CTNNA3: variants seen among roughly 807,000 people sequenced by gnomAD.
CTNNA3 encodes the protein catenin alpha 3.
A neutral mutation model predicts 95.7 loss-of-function variants in CTNNA3; 76 were observed. The ratio of observed to expected loss-of-function variants is 0.79; its 90% CI spans 0.66 to 0.96. CTNNA3 has a LOEUF of 0.96. Ranked by LOEUF, CTNNA3 falls within the 40% of genes least tolerant of loss-of-function variation. The pLI, the probability that CTNNA3 is intolerant of heterozygous loss-of-function variation, is 0.00. For missense variants in CTNNA3, 1,191 were observed against 1,089.8 expected, an observed-to-expected ratio of 1.09 and a Z score of -1.31; for synonymous variants, 431 against 374.4, an observed-to-expected ratio of 1.15 and a Z score of -1.74.
At chr10:66,714,739 T>C (rs1023503764) in intron 9 of CTNNA3, among the ~76,000 whole-genome samples, 7 of 152,158 alleles carry the variant, frequency 4.6e-5, no homozygotes, top group Non-Finnish European at 7.4e-5. Flanking sequence ...CCCAGCCATC[T>C]GTGTTTCAAC....
intron 1 of CTNNA3, among the ~76,000 whole-genome samples, chr10:67,658,443 A>AATT (rs1398292759): frequency 6.6e-6 from 1 of 152,258 alleles, no homozygotes; most frequent in East Asian, 1.9e-4. Flanking sequence ...TAGACCTCAT[A>AATT]ATTATTATTC....
intron 7 of CTNNA3, among the ~76,000 whole-genome samples, chr10:66,861,944 G>A (rs1324289168): frequency 1.3e-5 from 2 of 152,188 alleles, no homozygotes; most frequent in Non-Finnish European, 2.9e-5. Context: ...GCCAGCCACT[G>A]TGGGTCACAC....
chr10:65,983,111 T>C (rs953230100), intron 16 of CTNNA3, among the ~76,000 whole-genome samples: 4 of 151,752 alleles, frequency 2.6e-5, no homozygotes, highest in Admixed American at 2.0e-4. Flanking sequence ...CATCTTTTCT[T>C]GAATTAGAAT....
intron 13 of CTNNA3, among the ~76,000 whole-genome samples, chr10:66,185,995 A>G (rs1214725483): frequency 6.6e-6 from 1 of 151,966 alleles, no homozygotes; most frequent in Non-Finnish European, 1.5e-5. Flanking sequence ...ATACACACAT[A>G]TAAAAATATA....
chr10:66,786,096 G>C (rs1279105329), intron 7 of CTNNA3, among the ~76,000 whole-genome samples: 2 of 152,098 alleles, frequency 1.3e-5, no homozygotes, highest in Non-Finnish European at 2.9e-5. Context: ...CTTGTTCTAT[G>C]ACCCACTCCC....
At chr10:66,648,703 C>T (rs1845791837) in intron 9 of CTNNA3, among the ~76,000 whole-genome samples, 1 of 151,744 alleles carries the variant, frequency 6.6e-6, no homozygotes, top group African/African-American at 2.4e-5. Context: ...TTTGGGAAAC[C>T]AGATGAACAT....
At chr10:66,731,775 TG>T (rs1485995302) in intron 9 of CTNNA3, among the ~76,000 whole-genome samples, 4 of 152,190 alleles carry the variant, frequency 2.6e-5, no homozygotes, top group African/African-American at 9.6e-5. Flanking sequence ...TTTAACACTT[TG>T]CTACCAACAA....
Position 65,961,509 on chromosome 10 carries a change from G to A in CTNNA3, c.2400+5103C>T, listed in dbSNP as rs1043900105. ...ATATTCAAGGACTTTATAGTCTAGAGGGGAATATGTGCAAAAATATGACTA... is the reference window on the plus strand; with the variant it reads ...ATATTCAAGGACTTTATAGTCTAGAAGGGAATATGTGCAAAAATATGACTA... On this transcript the variant is annotated intron_variant, in intron 17 of 17. Coordinates refer to ENST00000433211, the MANE Select transcript of CTNNA3 (RefSeq NM_013266.4). 2.0e-5 allele frequency among the ~76,000 whole-genome samples: 3 copies of A among 152,096 alleles called. No individual in the cohort carries two copies. The East Asian group carries it at 5.8e-4, about 29-fold the overall frequency.
chr10:67,744,400 G>A (rs1275124236), intron 1 of CTNNA3, among the ~76,000 whole-genome samples: 1 of 151,168 alleles, frequency 6.6e-6, no homozygotes, highest in Non-Finnish European at 1.5e-5. Flanking sequence ...TGAGAAATGG[G>A]GAAAGGATTC....
chr10:67,380,020 C>CAAA (rs10591803), intron 5 of CTNNA3, among the ~76,000 whole-genome samples: 33 of 74,044 alleles, frequency 4.5e-4, no homozygotes, highest in Admixed American at 7.5e-4. Flanking sequence ...GACTCCGTCT[C>CAAA]AAAAAAAAAA....
chr10:66,927,610 C>A lies in CTNNA3; in HGVS notation c.1048-152086G>T. On this transcript the variant is annotated intron_variant, in intron 7 of 17. Transcript: ENST00000433211. The surrounding 1 kb of genome is among the most constrained non-coding windows in gnomAD (Gnocchi z 4.7). ...CCTTTTTCCAAGGTTGGTCAGCCTTCAGAACCTTTACTTGCAGTGGAATAA... is the reference window on the plus strand; with the variant it reads ...CCTTTTTCCAAGGTTGGTCAGCCTTAAGAACCTTTACTTGCAGTGGAATAA... 2.5e-6 allele frequency: 4 copies of A among 1,614,180 alleles called. No individual in the cohort carries two copies. Among genetic ancestry groups the A allele is most frequent in the Non-Finnish European group, 2.5e-6 (3 of 1,180,038 alleles).
chr10:66,882,202 G>T (rs1006493527), intron 7 of CTNNA3, among the ~76,000 whole-genome samples: 3 of 151,898 alleles, frequency 2.0e-5, no homozygotes, highest in South Asian at 2.1e-4. Flanking sequence ...ATAACGAAAG[G>T]GTGGAGACTT....
At chr10:67,287,402 G>A (rs1839650172) in intron 5 of CTNNA3, among the ~76,000 whole-genome samples, 1 of 152,028 alleles carries the variant, frequency 6.6e-6, no homozygotes, top group Non-Finnish European at 1.5e-5. Context: ...ACCCATTCCA[G>A]ACTAGTCAAT....
intron 5 of CTNNA3, among the ~76,000 whole-genome samples, chr10:67,389,760 CA>C (rs1359576248): frequency 1.1e-4 from 16 of 151,698 alleles, no homozygotes; most frequent in Non-Finnish European, 2.9e-5. Context: ...GAATCTCACT[CA>C]AAACCGCTCA....
At chr10:66,634,983 A>C (rs1262194950) in intron 9 of CTNNA3, among the ~76,000 whole-genome samples, 1 of 152,124 alleles carries the variant, frequency 6.6e-6, no homozygotes, top group Non-Finnish European at 1.5e-5. Flanking sequence ...GACTGCTCTA[A>C]GAGTCCCATT....
intron 7 of CTNNA3, among the ~76,000 whole-genome samples, chr10:67,001,068 C>T (rs186853487): frequency 2.6e-4 from 40 of 151,828 alleles, no homozygotes; most frequent in African/African-American, 8.7e-4. Context: ...TTTGGGAGGC[C>T]GAGGTGGGTG....
At chr10:66,912,681 T>C (rs1303926906) in intron 7 of CTNNA3, among the ~76,000 whole-genome samples, 1 of 151,980 alleles carries the variant, frequency 6.6e-6, no homozygotes, top group African/African-American at 2.4e-5. Context: ...TAGTAAAAAA[T>C]ATTTTTTCCT....
chr10:65,977,638 C>T (rs1411866929), intron 16 of CTNNA3, among the ~76,000 whole-genome samples: 1 of 151,752 alleles, frequency 6.6e-6, no homozygotes, highest in Non-Finnish European at 1.5e-5. Context: ...AAATATTAGC[C>T]GGGCATGGTG....
rs764144607 is a variant in CTNNA3 at position 67,354,779 on chromosome 10, T to C, written c.580-134909A>G. ...GTTTTTCTTTAAAACTGTATTTGAA[T>C]ACTAACAACAATGGGTAGGTCCCAT... On this transcript the variant is annotated intron_variant, in intron 5 of 17. Coordinates refer to ENST00000433211, the MANE Select transcript of CTNNA3 (RefSeq NM_013266.4). 3.3e-5 allele frequency among the ~76,000 whole-genome samples: 5 copies of C among 152,142 alleles called. No individual in the cohort carries two copies. The Middle Eastern group carries it at 0.014, about 414-fold the overall frequency.
Sources: allele counts gnomAD v4.1 joint callset (sites outside exome capture counted in the v4.1 genomes callset), GRCh38; gene constraint gnomAD v4.1.1; non-coding constraint Gnocchi (gnomAD v3.1); transcripts MANE v1.5; gene names NCBI Gene and HGNC (gene_info 2026-07-23, HGNC 2026-07-21).